The following LGSN variants were observed in gnomAD, a reference collection of about 807,000 sequenced individuals.
LGSN encodes lengsin, lens protein with glutamine synthetase domain, also known as lengsin.
Under a neutral mutation model 19.5 loss-of-function variants are expected in LGSN, and 21 were observed. The observed-to-expected ratio is 1.07, with a 90% CI of 0.76 to 1.55. LGSN has a LOEUF of 1.55. LGSN is among the 40% of genes most tolerant of loss of function. LGSN has a pLI of 0.00. For missense variants in LGSN, 673 were observed against 608.5 expected, an observed-to-expected ratio of 1.11 and a Z score of -1.12; for synonymous variants, 257 against 215.6, an observed-to-expected ratio of 1.19 and a Z score of -1.68.
chr6:63,390,124 T>TC, the LGSN span, among the ~76,000 whole-genome samples: 573 of 127,316 alleles, frequency 4.5e-3, 3 homozygotes, highest in South Asian at 0.025. Context: ...CTTTCTTTTT[T>TC]TTTTTTTTTT....
At chr6:63,456,392 T>C in the LGSN span, among the ~76,000 whole-genome samples, 7 of 117,594 alleles carry the variant, frequency 6.0e-5, no homozygotes, top group African/African-American at 2.1e-4. Context: ...TATATATATA[T>C]ACTTTTTTTT....
the LGSN span, among the ~76,000 whole-genome samples, chr6:63,540,540 GA>G: frequency 3.3e-5 from 5 of 152,036 alleles, no homozygotes; most frequent in Admixed American, 1.3e-4. Flanking sequence ...AGAATCGCTT[GA>G]ACCCAGGAGG....
At chr6:63,390,873 A>AG in the LGSN span, among the ~76,000 whole-genome samples, 2 of 148,892 alleles carry the variant, frequency 1.3e-5, no homozygotes. Flanking sequence ...AAAAAAAAAA[A>AG]AAAAGAAAAG....
At chr6:63,367,189 C>A in the LGSN span, among the ~76,000 whole-genome samples, 1 of 152,156 alleles carries the variant, frequency 6.6e-6, no homozygotes, top group African/African-American at 2.4e-5. Context: ...ACAATCTACT[C>A]ATCTGACAAA....
chr6:63,379,185 CT>C, the LGSN span, among the ~76,000 whole-genome samples: 1 of 151,794 alleles, frequency 6.6e-6, no homozygotes. Flanking sequence ...ATGCCCCCCC[CT>C]TTTTTTTAAA....
chr6:63,389,104 C>T, the LGSN span, among the ~76,000 whole-genome samples: 1 of 152,118 alleles, frequency 6.6e-6, no homozygotes, highest in Non-Finnish European at 1.5e-5. Flanking sequence ...GCCACCCCTA[C>T]GTGTAAGTAA....
At chr6:63,469,022 A>G in the LGSN span, among the ~76,000 whole-genome samples, 62 of 152,182 alleles carry the variant, frequency 4.1e-4, no homozygotes, top group Admixed American at 8.5e-4. Flanking sequence ...TGCTGGGATT[A>G]CTAGGGTGAG....
At chr6:63,398,718 A>G in the LGSN span, among the ~76,000 whole-genome samples, 8 of 152,240 alleles carry the variant, frequency 5.3e-5, no homozygotes, top group Non-Finnish European at 7.3e-5. Flanking sequence ...ACAGTAGTGT[A>G]TAGCAGTATC....
the LGSN span, among the ~76,000 whole-genome samples, chr6:63,367,447 G>T: frequency 1.3e-5 from 2 of 152,054 alleles, no homozygotes; most frequent in Admixed American, 1.3e-4. Flanking sequence ...AACAACAGGT[G>T]CTGGAGAGGA....
At chr6:63,329,383 G>A in the LGSN span, among the ~76,000 whole-genome samples, 1 of 152,226 alleles carries the variant, frequency 6.6e-6, no homozygotes, top group African/African-American at 2.4e-5. Flanking sequence ...GCAGGGTATA[G>A]GGGTTGGGTA....
At chr6:63,392,795 T>A in the LGSN span, among the ~76,000 whole-genome samples, 1 of 151,670 alleles carries the variant, frequency 6.6e-6, no homozygotes, top group Admixed American at 6.5e-5. Flanking sequence ...TTCTTTCTAA[T>A]GAAGAGCAGT....
At chr6:63,392,881 C>CTTTTTTTTTT in the LGSN span, among the ~76,000 whole-genome samples, 21 of 109,910 alleles carry the variant, frequency 1.9e-4, no homozygotes, top group African/African-American at 3.9e-4. Context: ...TCTTCTTCTT[C>CTTTTTTTTTT]TTTTTTTTTT....
chr6:63,469,969 G>A, the LGSN span, among the ~76,000 whole-genome samples: 70,575 of 151,900 alleles, frequency 0.46, 18,235 homozygotes, highest in Non-Finnish European at 0.56. Context: ...ACCTACCTTC[G>A]CCTCCCAAAG....
chr6:63,412,566 G>GAAAGAA, the LGSN span, among the ~76,000 whole-genome samples: 38 of 127,724 alleles, frequency 3.0e-4, 1 homozygote, highest in Non-Finnish European at 5.5e-4. Flanking sequence ...AAGAAAGAAA[G>GAAAGAA]AAAGGAAGGA....
At chr6:63,539,874 A>G in the LGSN span, among the ~76,000 whole-genome samples, 1 of 152,248 alleles carries the variant, frequency 6.6e-6, no homozygotes, top group Non-Finnish European at 1.5e-5. Context: ...TCAGAGGTAT[A>G]CACATTTTTA....
the LGSN span, among the ~76,000 whole-genome samples, chr6:63,537,647 A>G: frequency 6.6e-6 from 1 of 152,246 alleles, no homozygotes; most frequent in Admixed American, 6.5e-5. Flanking sequence ...GTTTTTCCTA[A>G]AAGAAGTGTG....
intron 1 of LGSN, 32 bp downstream of exon 1, chr6:63,319,882 G>T (rs1307925978): frequency 1.3e-6 from 2 of 1,503,184 alleles, no homozygotes; most frequent in East Asian, 4.5e-5. Flanking sequence ...TCAATATTTT[G>T]GTTAAAAACA....
the LGSN span, among the ~76,000 whole-genome samples, chr6:63,433,927 A>G: frequency 6.6e-6 from 1 of 152,246 alleles, no homozygotes; most frequent in Non-Finnish European, 1.5e-5. Flanking sequence ...GTATCCAGTC[A>G]TGGGACTAGC....
chr6:63,440,530 G>A, the LGSN span, among the ~76,000 whole-genome samples: 2 of 152,066 alleles, frequency 1.3e-5, no homozygotes, highest in Non-Finnish European at 2.9e-5. Flanking sequence ...ACCTTCCCCA[G>A]TACCAAACAA....
Sources: allele counts gnomAD v4.1 joint callset (sites outside exome capture counted in the v4.1 genomes callset), GRCh38; gene constraint gnomAD v4.1.1; transcripts MANE v1.5; gene names NCBI Gene and HGNC (gene_info 2026-07-23, HGNC 2026-07-21).